Variants in MED23 observed in about 807,000 individuals in gnomAD.
The protein encoded by MED23 is mediator complex subunit 23, also known as mediator of RNA polymerase II transcription subunit 23.
A neutral mutation model predicts 163.9 loss-of-function variants in MED23; 105 were observed. The observed-to-expected ratio is 0.64, with a 90% CI of 0.55 to 0.75. MED23 has a LOEUF of 0.75. MED23 is among the 30% of genes least tolerant of loss of function. The probability of loss-of-function intolerance (pLI) is 0.00; values close to 1 mark genes in which losing one functional copy is unlikely to be tolerated. For missense variants in MED23, 1,054 were observed against 1,649.0 expected, an observed-to-expected ratio of 0.64 and a Z score of 6.25; for synonymous variants, 561 against 565.6, an observed-to-expected ratio of 0.99 and a Z score of 0.12.
At chr6:131,626,568 T>C (rs1777518216) in intron 3 of MED23, among the ~76,000 whole-genome samples, 1 of 152,162 alleles carries the variant, frequency 6.6e-6, no homozygotes, top group South Asian at 2.1e-4. Context: ...ATAAAATACT[T>C]CTAGAAGAAA....
chr6:131,575,668 GACA>G (rs1458118078), intron 30 of MED23, among the ~76,000 whole-genome samples: 1 of 152,182 alleles, frequency 6.6e-6, no homozygotes, highest in African/African-American at 2.4e-5. Flanking sequence ...TGTCTCATCT[GACA>G]ACATGTAATA....
downstream of MED23, chr6:131,586,659 C>A: frequency 9.3e-7 from 1 of 1,074,334 alleles, no homozygotes; most frequent in Admixed American, 3.5e-5. Context: ...GTAGGAACCA[C>A]AGAGTACCCC....
downstream of MED23, chr6:131,582,807 A>T (rs985578139): frequency 1.9e-6 from 2 of 1,033,244 alleles, no homozygotes; most frequent in Non-Finnish European, 3.1e-6. Context: ...AGAAAATTAA[A>T]CATCAAGACA....
intron 25 of MED23, chr6:131,592,042 C>T (rs2114595298): frequency 3.4e-6 from 1 of 293,062 alleles, no homozygotes; most frequent in Middle Eastern, 1.1e-3. Context: ...ATGTCTTAAG[C>T]ACTATCTGAA....
chr6:131,602,268 T>C lies in MED23; in HGVS notation c.2045A>G (p.Glu682Gly). 1 of 1,613,972 alleles carries C rather than the reference T, an allele frequency of 6.2e-7. No individual in the cohort carries two copies. The highest frequency in any genetic ancestry group is 8.5e-7 in the Non-Finnish European group (1 of 1,179,856). The change falls in exon 17 of 29, where the codon GAA becomes GGA. Residue 682 changes from glutamate (E) to glycine (G), a missense_variant. Transcript: ENST00000368068. ...GGTCAATATCAAGGCTCGGTTCAGT[T>C]CTTCAGATTCTGCTGAGAGCACTGT... ...PKTVLSAESE[E>G]LNRALILTLA...
chr6:131,620,440 T>C (rs1047371237), intron 7 of MED23, among the ~76,000 whole-genome samples, 188 bp downstream of exon 7: 1 of 152,070 alleles, frequency 6.6e-6, no homozygotes, highest in East Asian at 1.9e-4. Context: ...CATGTGCTAC[T>C]ATGCCTGGCT....
chr6:131,618,208 C>T (rs559494932), intron 9 of MED23, among the ~76,000 whole-genome samples, 199 bp downstream of exon 9: 5 of 152,272 alleles, frequency 3.3e-5, no homozygotes, highest in Admixed American at 2.6e-4. Flanking sequence ...AGAGGTGGAC[C>T]ACTGGAGCAT....
intron 8 of MED23, among the ~76,000 whole-genome samples, chr6:131,619,015 T>C (rs1776893909): frequency 6.6e-6 from 1 of 152,236 alleles, no homozygotes; most frequent in Admixed American, 6.5e-5. Flanking sequence ...CATATGACTA[T>C]CAGCTCATAC....
In MED23 at chr6:131,610,237, G is replaced by A. The variant is rs1339304157; in HGVS notation, c.886C>T (p.Arg296Cys). The A allele has an allele frequency of 7.4e-6, 12 of 1,613,538 alleles. No homozygotes were observed. The highest frequency in any genetic ancestry group is 2.2e-5 in the East Asian group (1 of 44,858). The change falls in exon 11 of 29, where the codon CGC becomes TGC. Residue 296 changes from arginine to cysteine, a missense_variant. Physicochemically the swap from Arg to Cys is radical, Grantham distance 180. Coordinates refer to ENST00000368068, the MANE Select transcript of MED23 (RefSeq NM_004830.4). The stretch of plus-strand genomic sequence containing the variant: ...AACTGGTCCTCCAGCACAGGGCAGC[G>A]CTGCTTGTGCTGTAGGGCAGAGATT... The part of the protein sequence containing the change: ...MLGLNKQHKQ[R>C]CPVLEDQLVD...
intron 9 of MED23, among the ~76,000 whole-genome samples, chr6:131,617,920 T>C (rs146193788): frequency 6.6e-6 from 1 of 152,222 alleles, no homozygotes; most frequent in African/African-American, 2.4e-5. Flanking sequence ...TAAGTATCAT[T>C]GTAAGGAAGT....
At chr6:131,624,398 G>GA (rs1777333831) in intron 4 of MED23, among the ~76,000 whole-genome samples, 1 of 152,188 alleles carries the variant, frequency 6.6e-6, no homozygotes, top group Non-Finnish European at 1.5e-5. Context: ...AATCCCAGCT[G>GA]AGGTTCCAGA....
At chr6:131,597,842 T>C (rs2114629608) in intron 20 of MED23, among the ~76,000 whole-genome samples, 1 of 152,164 alleles carries the variant, frequency 6.6e-6, no homozygotes, top group Middle Eastern at 3.4e-3. Flanking sequence ...TCCCAGCACT[T>C]TGGGAAGCTG....
Position 131,619,902 on chromosome 6 carries a change from G to A in MED23, c.598-6C>T, listed in dbSNP as rs752893156. On this transcript the variant is annotated splice_region_variant and splice_polypyrimidine_tract_variant and intron_variant, in intron 7 of 28. Coordinates refer to ENST00000368068, the MANE Select transcript of MED23 (RefSeq NM_004830.4). ...GATACTAGGTTTCCAAGTAACTAAA[G>A]AGAGAAAGAAAGAGGGAAGTCAAAT... is the stretch of plus-strand genomic sequence containing the variant. 3.1e-6 allele frequency: 5 copies of A among 1,602,550 alleles called. No homozygotes were observed. In the East Asian group the frequency reaches 1.1e-4, roughly 36 times the overall value.
At chr6:131,595,107 CCAGA>C (rs1774951837) in intron 22 of MED23, among the ~76,000 whole-genome samples, 1 of 152,222 alleles carries the variant, frequency 6.6e-6, no homozygotes, top group African/African-American at 2.4e-5. Flanking sequence ...GGACTGCCTG[CCAGA>C]CAAACACTTT....
chr6:131,621,040 G>A (rs1777060995), intron 6 of MED23, among the ~76,000 whole-genome samples: 1 of 152,062 alleles, frequency 6.6e-6, no homozygotes, highest in South Asian at 2.1e-4. Flanking sequence ...GGGCTTAAAT[G>A]AGCCTCCCGC....
intron 30 of MED23, among the ~76,000 whole-genome samples, chr6:131,577,792 C>G (rs1248914655): frequency 6.6e-6 from 1 of 151,430 alleles, no homozygotes; most frequent in Admixed American, 6.6e-5. Flanking sequence ...GTAGTCCCAG[C>G]TACTTGGGAG....
chr6:131,602,235 C>G lies in MED23; in HGVS notation c.2078G>C (p.Arg693Thr). 1 of 1,613,820 alleles carries G rather than the reference C, an allele frequency of 6.2e-7. No individual in the cohort carries two copies. Residue 693 changes from arginine (R) to threonine (T), a missense_variant, in exon 17 of 29, where the codon AGA becomes ACA. Around this residue, in one of 11 missense-constraint regions of MED23, gnomAD observed 228 missense variants for 461.3 expected, o/e 0.49. Coordinates refer to ENST00000368068, the MANE Select transcript of MED23 (RefSeq NM_004830.4). ...CACCGTACCTGTTACATGAGTTGCT[C>G]TAGCCAAGGTCAATATCAAGGCTCG... ...LNRALILTLA[R>T]ATHVTDFFTG...
chr6:131,587,299 AAAT>A lies in MED23; in HGVS notation c.*377_*379del. On this transcript the variant is annotated 3_prime_UTR_variant, in exon 29 of 29. Transcript: ENST00000368068. Reference sequence around the variant, plus strand: ...CTGTTTTACATGTGTGGTGCCTTTAAAATAATATATCTGAAGACTAAATATGTC... The same window carrying A: ...CTGTTTTACATGTGTGGTGCCTTTAAAATATATCTGAAGACTAAATATGTC... 2 of 1,070,736 alleles carry A rather than the reference AAAT, an allele frequency of 1.9e-6. No individual in the cohort carries two copies. The highest frequency in any genetic ancestry group is 2.3e-6 in the Non-Finnish European group (2 of 877,572). The allele number at this position is 1,070,736 out of a possible 1,614,324, so 66.3% of individuals were successfully genotyped here.
Position 131,602,316 on chromosome 6 carries a change from G to C in MED23, c.1997C>G (p.Thr666Arg). Residue 666 changes from threonine to arginine, a missense_variant, in exon 17 of 29, where the codon ACA (threonine) becomes AGA (arginine). Physicochemically the swap from Thr to Arg is moderately conservative, Grantham distance 71. Coordinates refer to ENST00000368068, the MANE Select transcript of MED23 (RefSeq NM_004830.4). ...LGSSEVQPQF[T>R]RFLSDPKTVL... is the part of the protein sequence containing the mutation. The stretch of plus-strand genomic sequence containing the variant: ...TGTTTTGGGATCACTAAGGAAGCGT[G>C]TAAACTGCGGTTGTACCTCTGAGCT... The C allele has an allele frequency of 6.2e-7, 1 of 1,613,870 alleles. No individual in the cohort carries two copies. The highest frequency in any genetic ancestry group is 8.5e-7 in the Non-Finnish European group (1 of 1,179,782).
Sources: allele counts gnomAD v4.1 joint callset (sites outside exome capture counted in the v4.1 genomes callset), GRCh38; gene constraint gnomAD v4.1.1; regional missense constraint gnomAD v4.1.1; transcripts MANE v1.5; gene names NCBI Gene and HGNC (gene_info 2026-07-23, HGNC 2026-07-21).